Variants in VAPB observed in about 807,000 individuals in gnomAD.
VAPB encodes VAMP associated protein B and C.
VAPB carries 7 observed loss-of-function variants against 25.6 expected under a neutral mutation model. That is an observed-to-expected ratio of 0.27 (90% confidence interval 0.16 to 0.51). VAPB has a LOEUF of 0.51. Among genes scored for constraint, VAPB ranks in the 20% least tolerant of loss-of-function variants. The probability of loss-of-function intolerance (pLI) is 0.97; values close to 1 mark genes in which losing one functional copy is unlikely to be tolerated. For missense variants in VAPB, 266 were observed against 301.3 expected, an observed-to-expected ratio of 0.88 and a Z score of 0.87; for synonymous variants, 112 against 109.2, an observed-to-expected ratio of 1.03 and a Z score of -0.16.
In VAPB at chr20:58,390,679, ACTCACAGTAGATG is replaced by A. The variant is rs1261105359; in HGVS notation, c.58+1167_58+1179del. Among the ~76,000 whole-genome samples, 10 of 152,158 alleles carry A rather than the reference ACTCACAGTAGATG, an allele frequency of 6.6e-5. No individual in the cohort carries two copies. In the East Asian group the frequency reaches 1.9e-3, roughly 29 times the overall value. On this transcript the variant is annotated intron_variant, in intron 1 of 5. Transcript: ENST00000475243. The stretch of plus-strand genomic sequence containing the variant: ...GTCTCCACTATATCGCTAGCACCGG[ACTCACAGTAGATG>A]CTCAGTTGGTATTTATGAATGAATG...
intron 2 of VAPB, among the ~76,000 whole-genome samples, chr20:58,419,611 C>T (rs1988625367): frequency 6.6e-6 from 1 of 152,156 alleles, no homozygotes; most frequent in Non-Finnish European, 1.5e-5. Flanking sequence ...AATAACAGAG[C>T]CAAGATGTGG....
chr20:58,446,202 T>G lies in VAPB; in HGVS notation c.*1967T>G, dbSNP rs551007166. The G allele has an allele frequency of 2.2e-6, 1 of 454,084 alleles. No individual in the cohort carries two copies. The highest frequency in any genetic ancestry group is 4.4e-6 in the Non-Finnish European group (1 of 226,760). 28.1% of individuals were successfully genotyped at this position (454,084 alleles called of 1,614,324 possible). ...CCAATAGGAATTCGTCTCCAGGATT[T>G]TTCCCATGTGTCCCCCAGTACTTAT... is the stretch of plus-strand genomic sequence containing the variant. On this transcript the variant is annotated 3_prime_UTR_variant, in exon 6 of 6. Coordinates refer to ENST00000475243, the MANE Select transcript of VAPB (RefSeq NM_004738.5).
At position 58,389,349 on chromosome 20, in the gene VAPB, C is replaced by A; in HGVS notation, c.-111C>A. 1.5e-6 allele frequency: 2 copies of A among 1,321,082 alleles called. No homozygotes were observed. The highest frequency in any genetic ancestry group is 2.1e-6 in the Non-Finnish European group (2 of 946,250). 81.8% of individuals were successfully genotyped at this position (1,321,082 alleles called of 1,614,324 possible). ...CGGTAGAGGACCCCCGCCCGTGCCC[C>A]GACCGGTCCCCGCCTTTTTGTAAAA... On this transcript the variant is annotated 5_prime_UTR_variant, in exon 1 of 6. Transcript: ENST00000475243.
At chr20:58,417,174 A>G (rs2284883) in intron 1 of VAPB, among the ~76,000 whole-genome samples, 97,755 of 152,078 alleles carry the variant, frequency 0.64, 31,722 homozygotes, top group African/African-American at 0.69. Flanking sequence ...GTGTTGAAAA[A>G]GACCTAAGTT....
chr20:58,434,726 A>G, intron 3 of VAPB, 21 bp downstream of exon 3: 5 of 1,194,026 alleles, frequency 4.2e-6, no homozygotes, highest in Non-Finnish European at 6.3e-6. Flanking sequence ...AATGCTTCTT[A>G]TTTTTTTCAG....
At position 58,447,037 on chromosome 20, in the gene VAPB, G is replaced by C. The variant is rs1989309760; in HGVS notation, c.*2802G>C. On this transcript the variant is annotated 3_prime_UTR_variant, in exon 6 of 6. Coordinates refer to ENST00000475243, the MANE Select transcript of VAPB (RefSeq NM_004738.5). ...TGGAAAGAGCGAGCCTAGGGAGGAT[G>C]CCGCTGGGCAGTGTGCATGGGGGAG... 1 of 454,046 alleles carries C rather than the reference G, an allele frequency of 2.2e-6. No individual in the cohort carries two copies. Among genetic ancestry groups the C allele is most frequent in the Non-Finnish European group, 4.4e-6 (1 of 226,718 alleles). 28.1% of individuals were successfully genotyped at this position (454,046 alleles called of 1,614,324 possible).
At position 58,447,412 on chromosome 20, in the gene VAPB, T is replaced by C; in HGVS notation, c.*3177T>C. 2 of 454,116 alleles carry C rather than the reference T, an allele frequency of 4.4e-6. No homozygotes were observed. The highest frequency in any genetic ancestry group is 4.7e-5 in the Admixed American group (2 of 42,574). 28.1% of individuals were successfully genotyped at this position (454,116 alleles called of 1,614,324 possible). ...TACTGATAAAATCAAAATTGATTTT[T>C]ACCAGTGGCCAGTTTATGGCTAGAG... On this transcript the variant is annotated 3_prime_UTR_variant, in exon 6 of 6. Coordinates refer to ENST00000475243, the MANE Select transcript of VAPB (RefSeq NM_004738.5).
rs1166063908 is a variant in VAPB, at chr20:58,449,534, A to C, written c.*5299A>C. 2.2e-6 allele frequency: 1 copy of C among 454,004 alleles called. No individual in the cohort carries two copies. The highest frequency in any genetic ancestry group is 2.0e-5 in the African/African-American group (1 of 50,004). 28.1% of individuals were successfully genotyped at this position (454,004 alleles called of 1,614,324 possible). A position where few individuals can be genotyped will look rare whatever the true frequency, so the allele number is the denominator to read the frequency against. ...AAAGTGTAGCAACAAAAATGTAGCC[A>C]TTATCTAACTTGCCATAAATATTTG... On this transcript the variant is annotated 3_prime_UTR_variant, in exon 6 of 6. Transcript: ENST00000475243.
chr20:58,402,200 C>G (rs1988111234), intron 1 of VAPB, among the ~76,000 whole-genome samples: 1 of 152,194 alleles, frequency 6.6e-6, no homozygotes, highest in African/African-American at 2.4e-5. Flanking sequence ...CCACATTGCC[C>G]TGCCCATCTT....
intron 2 of VAPB, among the ~76,000 whole-genome samples, chr20:58,420,466 G>A (rs1988646034): frequency 6.6e-6 from 1 of 152,184 alleles, no homozygotes; most frequent in South Asian, 2.1e-4. Flanking sequence ...GTCATCAAGG[G>A]TCACTTGGAT....
chr20:58,441,211 TC>T, intron 5 of VAPB, 128 bp downstream of exon 5: 2 of 1,048,514 alleles, frequency 1.9e-6, no homozygotes, highest in Non-Finnish European at 2.8e-6. Context: ...TATTTTTTTC[TC>T]CCCAGGGAGA....
intron 2 of VAPB, among the ~76,000 whole-genome samples, chr20:58,427,340 G>A (rs1012463466): frequency 2.0e-5 from 3 of 151,112 alleles, no homozygotes; most frequent in South Asian, 2.1e-4. Flanking sequence ...AAAGTGATCC[G>A]TGATCTGTTA....
intron 2 of VAPB, among the ~76,000 whole-genome samples, chr20:58,427,842 G>C (rs1988837114): frequency 6.6e-6 from 1 of 151,640 alleles, no homozygotes; most frequent in South Asian, 2.1e-4. Flanking sequence ...TTATGATGCT[G>C]GTGAAAGTGA....
intron 2 of VAPB, among the ~76,000 whole-genome samples, chr20:58,425,480 A>G (rs539658440): frequency 7.2e-4 from 109 of 152,386 alleles, no homozygotes; most frequent in South Asian, 1.9e-3. Flanking sequence ...GCAAATTAGC[A>G]CCCAGAATGT....
chr20:58,443,988 G>A, intron 5 of VAPB, 89 bp from the exon 6 acceptor site: 4 of 1,585,614 alleles, frequency 2.5e-6, no homozygotes, highest in Non-Finnish European at 3.5e-6. Context: ...CCAACACTGG[G>A]CATAAACAGC....
chr20:58,414,632 C>T (rs902566013), intron 1 of VAPB, among the ~76,000 whole-genome samples: 1 of 151,486 alleles, frequency 6.6e-6, no homozygotes, highest in African/African-American at 2.4e-5. Flanking sequence ...CGATGGGCGG[C>T]CGGGCAGAGA....
intron 3 of VAPB, among the ~76,000 whole-genome samples, chr20:58,437,053 G>A (rs917394202): frequency 3.3e-5 from 4 of 121,548 alleles, no homozygotes; most frequent in Non-Finnish European, 4.7e-5. Context: ...AGGCTGAAGT[G>A]CAGTGGTGCA....
intron 2 of VAPB, among the ~76,000 whole-genome samples, chr20:58,422,143 C>T (rs1283339132): frequency 1.3e-5 from 2 of 152,136 alleles, no homozygotes; most frequent in Non-Finnish European, 2.9e-5. Flanking sequence ...TGATTTGAAT[C>T]CTTTTCTTTG....
chr20:58,439,351 A>G (rs1338108056), intron 4 of VAPB: 9 of 317,654 alleles, frequency 2.8e-5, no homozygotes, highest in Non-Finnish European at 4.8e-5. Flanking sequence ...GAAAGAGGGA[A>G]CAATTTGCCC....
Sources: allele counts gnomAD v4.1 joint callset (sites outside exome capture counted in the v4.1 genomes callset), GRCh38; gene constraint gnomAD v4.1.1; transcripts MANE v1.5; gene names NCBI Gene and HGNC (gene_info 2026-07-23, HGNC 2026-07-21).